Variants in PDE1C observed in about 807,000 individuals in gnomAD.
The protein encoded by PDE1C is phosphodiesterase 1C, also known as dual specificity calcium/calmodulin-dependent 3',5'-cyclic nucleotide phosphodiesterase 1C.
In PDE1C, 62 loss-of-function variants were observed where a neutral mutation model predicts 93.1. That is an observed-to-expected ratio of 0.67 (90% CI 0.54 to 0.82). The LOEUF (loss-of-function observed/expected upper bound fraction) is 0.82, where lower values mean the gene tolerates loss of function less well. PDE1C is among the 40% of genes least tolerant of loss of function. The pLI is 0.00. For synonymous variants in PDE1C, 325 were observed against 310.1 expected, an observed-to-expected ratio of 1.05 and a Z score of -0.50; for missense variants, 742 against 884.6, an observed-to-expected ratio of 0.84 and a Z score of 2.04.
chr7:32,112,846 G>GTA (rs1203879712), intron 3 of PDE1C, among the ~76,000 whole-genome samples: 262 of 59,040 alleles, frequency 4.4e-3, no homozygotes, highest in Non-Finnish European at 6.1e-3. Flanking sequence ...GTGTGTGTGT[G>GTA]TATATATATA....
intron 1 of PDE1C, among the ~76,000 whole-genome samples, chr7:32,415,087 T>G (rs1221844025): frequency 6.6e-6 from 1 of 152,148 alleles, no homozygotes; most frequent in African/African-American, 2.4e-5. Flanking sequence ...CTCAACACTT[T>G]GGGAGGATCG....
intron 1 of PDE1C, among the ~76,000 whole-genome samples, chr7:32,355,577 T>C (rs1477863316): frequency 2.6e-5 from 4 of 152,146 alleles, no homozygotes; most frequent in African/African-American, 9.7e-5. Flanking sequence ...TGTGTCAAGA[T>C]CTAGCAAGAT....
intron 1 of PDE1C, among the ~76,000 whole-genome samples, chr7:32,364,871 G>T (rs1784201374): frequency 6.6e-6 from 1 of 152,202 alleles, no homozygotes; most frequent in Non-Finnish European, 1.5e-5. Context: ...CCCAGGATGG[G>T]CTGTGACTCT....
intron 7 of PDE1C, among the ~76,000 whole-genome samples, chr7:31,856,682 C>CT (rs35316004): frequency 0.13 from 16,299 of 120,946 alleles, 1,276 homozygotes; most frequent in East Asian, 0.26. Context: ...ATATAAGAGG[C>CT]TTTTTTTTTT....
rs1585138075 is a variant in PDE1C at position 32,388,719 on chromosome 7, C to A, written c.310+39103G>T. 3.7e-5 allele frequency among the ~76,000 whole-genome samples: 5 copies of A among 135,672 alleles called. No individual in the cohort carries two copies. The South Asian group carries it at 1.3e-3, about 34-fold the overall frequency. 89.0% of individuals were successfully genotyped at this position (135,672 alleles called of 152,430 possible). On this transcript the variant is annotated intron_variant, in intron 1 of 1. Coordinates refer to the PDE1C transcript ENST00000672256. Reference sequence around the variant, plus strand: ...AAAAAAAAAAATTAAGACAAAAAATCTATTGTCAGTGTATACAGTGTATAT... The same window carrying A: ...AAAAAAAAAAATTAAGACAAAAAATATATTGTCAGTGTATACAGTGTATAT...
chr7:32,062,011 A>G (rs1413735410), intron 1 of PDE1C, among the ~76,000 whole-genome samples: 1 of 152,010 alleles, frequency 6.6e-6, no homozygotes, highest in African/African-American at 2.4e-5. Flanking sequence ...AGACCTGTTT[A>G]ATCTCCAGAC....
chr7:32,083,749 C>A (rs1033623847), intron 3 of PDE1C, among the ~76,000 whole-genome samples: 2 of 151,872 alleles, frequency 1.3e-5, no homozygotes, highest in African/African-American at 2.4e-5. Flanking sequence ...TCCAGCCAAA[C>A]TAAGCTTCAT....
chr7:32,052,058 C>A (rs1398744108), intron 1 of PDE1C, among the ~76,000 whole-genome samples: 2 of 152,142 alleles, frequency 1.3e-5, no homozygotes, highest in Non-Finnish European at 2.9e-5. Flanking sequence ...CTATTATCCC[C>A]AACATCTAGC....
intron 9 of PDE1C, among the ~76,000 whole-genome samples, chr7:31,838,692 T>A (rs922996695): frequency 1.3e-4 from 20 of 152,144 alleles, no homozygotes; most frequent in African/African-American, 4.8e-4. Flanking sequence ...CCCTCTCTTT[T>A]TTCCCTCAAC....
intron 1 of PDE1C, among the ~76,000 whole-genome samples, chr7:32,334,218 T>C (rs1783567821): frequency 6.6e-6 from 1 of 152,156 alleles, no homozygotes; most frequent in Non-Finnish European, 1.5e-5. Context: ...AAAGAACAAC[T>C]TCAATTGCAA....
intron 2 of PDE1C, among the ~76,000 whole-genome samples, chr7:31,952,502 G>A (rs11971122): frequency 0.015 from 2,277 of 152,156 alleles, 26 homozygotes; most frequent in African/African-American, 0.033. Context: ...CACCAGCCTC[G>A]GCCTCCCAAA....
chr7:32,198,085 C>G (rs1163167303), intron 2 of PDE1C, among the ~76,000 whole-genome samples: 1 of 152,080 alleles, frequency 6.6e-6, no homozygotes, highest in Non-Finnish European at 1.5e-5. Context: ...TATATTCATT[C>G]TTCTTTCTGG....
chr7:32,190,762 ATAC>A (rs1345757518), intron 2 of PDE1C, among the ~76,000 whole-genome samples: 3 of 152,214 alleles, frequency 2.0e-5, no homozygotes, highest in African/African-American at 7.2e-5. Context: ...CATTAAAGAT[ATAC>A]TTAGGATACA....
intron 16 of PDE1C, among the ~76,000 whole-genome samples, chr7:31,795,452 C>T (rs750343975): frequency 3.3e-5 from 5 of 151,738 alleles, no homozygotes; most frequent in African/African-American, 4.8e-5. Context: ...CACCTTGCCC[C>T]GTAGTTACAA....
chr7:31,855,771 A>G (rs1793936187), intron 7 of PDE1C, among the ~76,000 whole-genome samples: 2 of 148,282 alleles, frequency 1.3e-5, no homozygotes, highest in Non-Finnish European at 3.0e-5. Context: ...TAAAAATAAG[A>G]TATGCAGCTT....
intron 6 of PDE1C, among the ~76,000 whole-genome samples, chr7:31,866,863 C>T (rs1366206512): frequency 6.6e-6 from 1 of 152,026 alleles, no homozygotes; most frequent in East Asian, 1.9e-4. Flanking sequence ...GTATCCTAGC[C>T]ACCAGAAAGC....
the PDE1C span, among the ~76,000 whole-genome samples, chr7:31,625,761 T>G: frequency 6.6e-6 from 1 of 151,954 alleles, no homozygotes; most frequent in African/African-American, 2.4e-5. Flanking sequence ...ACCCTAAACT[T>G]AAAGTATAAT....
At chr7:31,677,971 G>A in the PDE1C span, among the ~76,000 whole-genome samples, 2 of 152,010 alleles carry the variant, frequency 1.3e-5, no homozygotes, top group African/African-American at 4.8e-5. Flanking sequence ...AAAAGTAATA[G>A]CTTTTATATG....
the PDE1C span, among the ~76,000 whole-genome samples, chr7:31,690,944 A>G: frequency 6.6e-6 from 1 of 152,134 alleles, no homozygotes; most frequent in Non-Finnish European, 1.5e-5. Context: ...CTGCCTGAAG[A>G]GGAGGAAAAT....
Sources: allele counts gnomAD v4.1 joint callset (sites outside exome capture counted in the v4.1 genomes callset), GRCh38; gene constraint gnomAD v4.1.1; transcripts MANE v1.5; gene names NCBI Gene and HGNC (gene_info 2026-07-23, HGNC 2026-07-21).